Variants in LRRC4C observed in about 807,000 individuals in gnomAD.
The protein encoded by LRRC4C is leucine-rich repeat-containing protein 4C.
LRRC4C carries 5 observed loss-of-function variants against 33.6 expected under a neutral mutation model. The ratio of observed to expected loss-of-function variants is 0.15; its 90% CI spans 0.08 to 0.31. The LOEUF (loss-of-function observed/expected upper bound fraction) is 0.31. Among genes scored for constraint, LRRC4C ranks in the 10% least tolerant of loss-of-function variants. The pLI, the probability that LRRC4C is intolerant of heterozygous loss-of-function variation, is 1.00. For missense variants in LRRC4C, 560 were observed against 796.7 expected (o/e 0.70, Z 3.58); for synonymous variants, 329 against 302.0 (o/e 1.09, Z -0.93).
At chr11:40,993,942 A>C (rs1388152461) in intron 1 of LRRC4C, among the ~76,000 whole-genome samples, 1 of 152,080 alleles carries the variant, frequency 6.6e-6, no homozygotes, top group Non-Finnish European at 1.5e-5. Context: ...AGAAACAATG[A>C]ACCTTGGCAC....
intron 2 of LRRC4C, among the ~76,000 whole-genome samples, chr11:40,803,609 T>C (rs1327058592): frequency 6.6e-6 from 1 of 152,082 alleles, no homozygotes; most frequent in Non-Finnish European, 1.5e-5. Context: ...TTTTAATTAA[T>C]TAATGAATTT....
chr11:41,075,624 A>G (rs1317282200), intron 1 of LRRC4C, among the ~76,000 whole-genome samples: 1 of 152,198 alleles, frequency 6.6e-6, no homozygotes, highest in Non-Finnish European at 1.5e-5. Context: ...CAGCTGAGAC[A>G]AATTTTTAAA....
chr11:41,270,466 G>A, intron 1 of LRRC4C, among the ~76,000 whole-genome samples: 1 of 152,100 alleles, frequency 6.6e-6, no homozygotes, highest in Middle Eastern at 3.2e-3. Flanking sequence ...CCTTCAGAGA[G>A]TATGAAGGGA....
Position 40,830,990 on chromosome 11 carries a change from A to G in LRRC4C, c.-407+102645T>C, listed in dbSNP as rs1952387468. On this transcript the variant is annotated intron_variant, in intron 2 of 6. Transcript: ENST00000528697. ...TGTTGGAATCAGTAATTCCACACAA[A>G]CAGTACTTTTTTCACTTTGTTAGTA... Among the ~76,000 whole-genome samples the G allele has an allele frequency of 3.3e-5, 5 of 152,124 alleles. No individual in the cohort carries two copies. In the South Asian group the frequency reaches 1.0e-3, roughly 31 times the overall value.
At chr11:40,399,548 G>T (rs949422807) in intron 3 of LRRC4C, among the ~76,000 whole-genome samples, 2 of 152,092 alleles carry the variant, frequency 1.3e-5, no homozygotes, top group South Asian at 2.1e-4. Context: ...TGGGAGGAGG[G>T]GGGAGGGATA....
intron 1 of LRRC4C, among the ~76,000 whole-genome samples, chr11:41,372,062 C>T (rs1297557403): frequency 6.6e-6 from 1 of 152,148 alleles, no homozygotes; most frequent in Non-Finnish European, 1.5e-5. Flanking sequence ...GCGTGAACCC[C>T]GGAGGCAGAA....
intron 2 of LRRC4C, among the ~76,000 whole-genome samples, chr11:40,914,735 T>C (rs1956865350): frequency 6.6e-6 from 1 of 152,086 alleles, no homozygotes; most frequent in South Asian, 2.1e-4. Flanking sequence ...GGGTATTCAA[T>C]TAGGAAAAGA....
chr11:40,973,370 CA>C (rs1423602841), intron 1 of LRRC4C, among the ~76,000 whole-genome samples: 2 of 151,534 alleles, frequency 1.3e-5, no homozygotes, highest in African/African-American at 2.4e-5. Context: ...AAACAAAAAC[CA>C]AAAAAACAAG....
intron 2 of LRRC4C, among the ~76,000 whole-genome samples, chr11:40,840,887 A>C (rs1367464794): frequency 6.6e-6 from 1 of 152,178 alleles, no homozygotes; most frequent in Non-Finnish European, 1.5e-5. Context: ...GGAATTTTTC[A>C]CTTCTTCACT....
intron 1 of LRRC4C, among the ~76,000 whole-genome samples, chr11:41,402,621 A>G (rs981129093): frequency 3.9e-5 from 6 of 152,044 alleles, no homozygotes; most frequent in African/African-American, 1.2e-4. Context: ...CTGTCAATGT[A>G]TTTTAAGAAA....
chr11:40,294,181 A>G (rs1168673288), intron 4 of LRRC4C: 1 of 151,808 alleles, frequency 6.6e-6, no homozygotes, highest in Non-Finnish European at 1.5e-5. Flanking sequence ...ACCTCCCATC[A>G]TCTTAGCACT....
chr11:40,494,124 C>T (rs12285429), intron 3 of LRRC4C, among the ~76,000 whole-genome samples: 19,355 of 152,032 alleles, frequency 0.13, 1,399 homozygotes, highest in African/African-American at 0.18. Context: ...CGTGGGGTTC[C>T]ACCATTCCCT....
chr11:41,308,963 C>T (rs1358435884), intron 1 of LRRC4C, among the ~76,000 whole-genome samples: 2 of 152,102 alleles, frequency 1.3e-5, no homozygotes, highest in Non-Finnish European at 2.9e-5. Flanking sequence ...CGTCAACACG[C>T]CCGGCTAATT....
chr11:40,335,832 G>T (rs1946573099), intron 3 of LRRC4C, among the ~76,000 whole-genome samples: 2 of 152,146 alleles, frequency 1.3e-5, no homozygotes, highest in South Asian at 4.1e-4. Context: ...GCAGCCAAGT[G>T]AGTTCTGGAC....
intron 4 of LRRC4C, among the ~76,000 whole-genome samples, chr11:40,290,537 A>G (rs926759899): frequency 1.3e-5 from 2 of 152,216 alleles, no homozygotes; most frequent in African/African-American, 4.8e-5. Flanking sequence ...ACAGGCTCAG[A>G]TGCTTTCAGC....
chr11:40,599,847 A>G (rs1959793816), intron 3 of LRRC4C, among the ~76,000 whole-genome samples: 2 of 152,186 alleles, frequency 1.3e-5, no homozygotes, highest in South Asian at 4.1e-4. Flanking sequence ...GGGCAGAAAT[A>G]AGAATAAGAG....
chr11:41,134,126 C>T (rs971846384), intron 1 of LRRC4C, among the ~76,000 whole-genome samples: 1 of 152,092 alleles, frequency 6.6e-6, no homozygotes, highest in Non-Finnish European at 1.5e-5. Flanking sequence ...GAGGTGGGGT[C>T]TCACTGTGTC....
intron 2 of LRRC4C, among the ~76,000 whole-genome samples, chr11:40,664,898 A>G (rs964522247): frequency 2.0e-5 from 3 of 151,338 alleles, no homozygotes; most frequent in African/African-American, 4.8e-5. Flanking sequence ...TACATTAGGT[A>G]TATCTCCTAA....
rs534888371 is a variant in LRRC4C, at chr11:41,069,544, C to T, written c.-495-135821G>A. Reference sequence around the variant, plus strand: ...ACATCACCTCAACACAAAAACTCTTCAACTGATAAGCAACTTCAACAAAGT... The same window carrying T: ...ACATCACCTCAACACAAAAACTCTTTAACTGATAAGCAACTTCAACAAAGT... On this transcript the variant is annotated intron_variant, in intron 1 of 6. Coordinates refer to ENST00000528697, the MANE Select transcript of LRRC4C (RefSeq NM_001258419.2). Among the ~76,000 whole-genome samples, 3 of 152,144 alleles carry T rather than the reference C, an allele frequency of 2.0e-5. No homozygotes were observed. The South Asian group carries it at 6.2e-4, about 32-fold the overall frequency.
Sources: allele counts gnomAD v4.1 joint callset (sites outside exome capture counted in the v4.1 genomes callset), GRCh38; gene constraint gnomAD v4.1.1; transcripts MANE v1.5; gene names NCBI Gene and HGNC (gene_info 2026-07-23, HGNC 2026-07-21).